The following PHF3 variants were observed in gnomAD, a reference collection of about 807,000 sequenced individuals.
The protein encoded by PHF3 is PHD finger protein 3.
PHF3 carries 41 observed loss-of-function variants against 178.4 expected under a neutral mutation model. The ratio of observed to expected loss-of-function variants is 0.23; its 90% CI spans 0.18 to 0.30. The LOEUF (loss-of-function observed/expected upper bound fraction) is 0.30, where lower values mean the gene tolerates loss of function less well. PHF3 is among the 10% of genes least tolerant of loss of function. The pLI is 1.00. For missense variants in PHF3, 2,346 were observed against 2,398.1 expected (o/e 0.98, Z 0.45); for synonymous variants, 842 against 800.5 (o/e 1.05, Z -0.88).
chr6:63,665,167 G>A (rs1221251279), intron 2 of PHF3, among the ~76,000 whole-genome samples: 5 of 151,894 alleles, frequency 3.3e-5, no homozygotes, highest in Admixed American at 6.6e-5. Flanking sequence ...TTCTTAGCCC[G>A]AGTTTTTTCT....
At position 63,692,062 on chromosome 6, in the gene PHF3, CATT is replaced by C. The variant is rs200237690; in HGVS notation, c.2496+23_2496+25del. 0.024 allele frequency: 36,839 copies of C among 1,548,320 alleles called. 576 individuals are homozygous for C. The highest frequency in any genetic ancestry group is 0.027 in the Non-Finnish European group (31,395 of 1,143,104). On this transcript the variant is annotated intron_variant, in intron 5 of 15. Coordinates refer to ENST00000262043, the MANE Select transcript of PHF3 (RefSeq NM_001370348.2). ...AAAACGGGTGAGCTCTTCATTAATGCATTATTTTGTTTATTTAAGAGCTTTTTG... is the reference window on the plus strand; with the variant it reads ...AAAACGGGTGAGCTCTTCATTAATGCATTTTGTTTATTTAAGAGCTTTTTG...
chr6:63,638,023 A>T (rs1366749419), intron 1 of PHF3, among the ~76,000 whole-genome samples: 1 of 152,184 alleles, frequency 6.6e-6, no homozygotes, highest in African/African-American at 2.4e-5. Flanking sequence ...TGTTGATCTT[A>T]TGGTATACTT....
At chr6:63,673,190 A>T (rs566929529) in intron 2 of PHF3, among the ~76,000 whole-genome samples, 3 of 152,306 alleles carry the variant, frequency 2.0e-5, no homozygotes, top group Admixed American at 2.0e-4. Flanking sequence ...CTAACAGCAG[A>T]AACAGCACCG....
At position 63,720,458 on chromosome 6, in the gene PHF3, T is replaced by G. The variant is rs747686160; in HGVS notation, c.*6750T>G. The G allele has an allele frequency of 4.9e-6, 3 of 610,876 alleles. No homozygotes were observed. Among genetic ancestry groups the G allele is most frequent in the Non-Finnish European group, 5.3e-6 (2 of 375,408 alleles). 37.8% of individuals were successfully genotyped at this position (610,876 alleles called of 1,614,324 possible). A position where few individuals can be genotyped will look rare whatever the true frequency, so the allele number is the denominator to read the frequency against. The stretch of plus-strand genomic sequence containing the variant: ...CCTTCAGTGACATTTTACAATCTTA[T>G]CAAAAAGATATGTTAGCATTTAGAC... On this transcript the variant is annotated 3_prime_UTR_variant, in exon 16 of 16. Transcript: ENST00000262043.
intron 2 of PHF3, among the ~76,000 whole-genome samples, chr6:63,676,516 C>T (rs1049047420): frequency 3.9e-5 from 6 of 152,164 alleles, no homozygotes; most frequent in African/African-American, 1.4e-4. Flanking sequence ...AGCCTTCATG[C>T]AGCGGGAATA....
At chr6:63,656,647 C>T (rs962903573) in intron 2 of PHF3, among the ~76,000 whole-genome samples, 3 of 152,202 alleles carry the variant, frequency 2.0e-5, no homozygotes, top group African/African-American at 7.2e-5. Context: ...TGTCTCTGAG[C>T]TTTACTGCTC....
chr6:63,705,249 C>T (rs911136971), intron 11 of PHF3, among the ~76,000 whole-genome samples: 4 of 152,144 alleles, frequency 2.6e-5, no homozygotes, highest in African/African-American at 4.8e-5. Flanking sequence ...ATAATATTTT[C>T]ATTTTAGCTT....
chr6:63,716,986 A>G lies in PHF3; in HGVS notation c.*3278A>G, dbSNP rs1454917683. 6.6e-6 allele frequency among the ~76,000 whole-genome samples: 1 copy of G among 151,882 alleles called. No homozygotes were observed. The highest frequency in any genetic ancestry group is 6.6e-5 in the Admixed American group (1 of 15,208). On this transcript the variant is annotated 3_prime_UTR_variant, in exon 16 of 16. Coordinates refer to ENST00000262043, the MANE Select transcript of PHF3 (RefSeq NM_001370348.2). ...GTGTTCCAAGGATTGGGGTGTAGAC[A>G]TCTTTTGGGGGATTATCATCTACCA...
rs775747319 is a variant in PHF3 at position 63,713,244 on chromosome 6, C to G, written c.5656C>G (p.Gln1886Glu). 2 of 1,613,868 alleles carry G rather than the reference C, an allele frequency of 1.2e-6. No individual in the cohort carries two copies. The highest frequency in any genetic ancestry group is 2.2e-5 in the East Asian group (1 of 44,876). ...GTATATAGGCCCGCAGAATTTTTACCAGGTTAAAGACATTCGGAGGCCAGA... is the reference window on the plus strand; with the variant it reads ...GTATATAGGCCCGCAGAATTTTTACGAGGTTAAAGACATTCGGAGGCCAGA... Reference protein sequence around the residue: ...SRYIGPQNFYQVKDIRRPERR... With the variant: ...SRYIGPQNFYEVKDIRRPERR... The change falls in exon 16 of 16, where the codon CAG becomes GAG. Residue 1886 changes from glutamine (Q) to glutamate (E), a missense_variant. This residue lies in a region of PHF3 where 839 missense variants were observed against 806.9 expected (regional missense o/e 1.04). Coordinates refer to ENST00000262043, the MANE Select transcript of PHF3 (RefSeq NM_001370348.2).
chr6:63,673,563 C>T (rs1055192771), intron 2 of PHF3, among the ~76,000 whole-genome samples: 2 of 152,178 alleles, frequency 1.3e-5, no homozygotes, highest in Non-Finnish European at 2.9e-5. Context: ...TAAGGTTAAT[C>T]CTTCACATCT....
chr6:63,706,954 CAG>C (rs747842562), intron 13 of PHF3, 78 bp downstream of exon 13: 56 of 1,222,972 alleles, frequency 4.6e-5, no homozygotes, highest in Non-Finnish European at 5.8e-5. Context: ...GGAAATAAGA[CAG>C]AGTTAGTAAT....
In PHF3 at chr6:63,711,217, T is replaced by C; in HGVS notation, c.3852T>C (p.Ser1284=). 1 of 1,611,278 alleles carries C rather than the reference T, an allele frequency of 6.2e-7. No homozygotes were observed. The highest frequency in any genetic ancestry group is 8.5e-7 in the Non-Finnish European group (1 of 1,179,072). Residue 1284 remains serine, a synonymous_variant, in exon 15 of 16, where the codon TCT becomes TCC. Coordinates refer to ENST00000262043, the MANE Select transcript of PHF3 (RefSeq NM_001370348.2). ...FTPVTEEDQI[S]YTLLFAYFSS... is the part of the protein sequence containing the mutation. ...CAGTAACTGAAGAAGATCAAATTTC[T>C]TATACTTTGCTCTTTGCATACTTCA...
chr6:63,688,022 A>C (rs377486519), intron 4 of PHF3, among the ~76,000 whole-genome samples: 1 of 151,606 alleles, frequency 6.6e-6, no homozygotes, highest in Non-Finnish European at 1.5e-5. Flanking sequence ...GTCTCTACTA[A>C]AAATACAAAA....
chr6:63,670,871 A>G (rs944326778), intron 2 of PHF3, among the ~76,000 whole-genome samples: 4 of 152,182 alleles, frequency 2.6e-5, no homozygotes, highest in Admixed American at 2.0e-4. Context: ...TTCCTGGGCT[A>G]CTACAAATTA....
At chr6:63,646,881 T>A in intron 2 of PHF3, 86 bp downstream of exon 2, 1 of 1,031,764 alleles carries the variant, frequency 9.7e-7, no homozygotes, top group Non-Finnish European at 1.2e-6. Flanking sequence ...TTTTTCTTTT[T>A]TTCTTTTTTT....
intron 2 of PHF3, among the ~76,000 whole-genome samples, chr6:63,671,528 A>C (rs1346284539): frequency 1.3e-5 from 2 of 152,196 alleles, no homozygotes; most frequent in East Asian, 3.8e-4. Context: ...GGCCTCTCTC[A>C]AACATTGAGA....
At chr6:63,667,126 T>C (rs73439247) in intron 2 of PHF3, among the ~76,000 whole-genome samples, 1 of 152,148 alleles carries the variant, frequency 6.6e-6, no homozygotes, top group African/African-American at 2.4e-5. Flanking sequence ...ATTACAGATA[T>C]GAGTACCATA....
At chr6:63,680,398 A>ATTTTTTTTTTTTTT (rs994238749) in intron 3 of PHF3, among the ~76,000 whole-genome samples, 1 of 117,600 alleles carries the variant, frequency 8.5e-6, no homozygotes, top group African/African-American at 3.2e-5. Context: ...AGCTGGTTTA[A>ATTTTTTTTTTTTTT]TTTTTTTTTT....
intron 2 of PHF3, among the ~76,000 whole-genome samples, chr6:63,671,020 A>G (rs983298922): frequency 1.3e-5 from 2 of 152,072 alleles, no homozygotes; most frequent in Non-Finnish European, 2.9e-5. Flanking sequence ...ATGTTACAGA[A>G]TGAAGTGCCT....
Sources: allele counts gnomAD v4.1 joint callset (sites outside exome capture counted in the v4.1 genomes callset), GRCh38; gene constraint gnomAD v4.1.1; regional missense constraint gnomAD v4.1.1; transcripts MANE v1.5; gene names NCBI Gene and HGNC (gene_info 2026-07-23, HGNC 2026-07-21).